TOM1L1: variants seen among roughly 807,000 people sequenced by gnomAD.
TOM1L1 encodes the protein target of myb1 like 1 membrane trafficking protein, also known as TOM1-like protein 1.
Under a neutral mutation model 63.4 loss-of-function variants are expected in TOM1L1, and 64 were observed. The observed-to-expected ratio is 1.01, with a 90% CI of 0.83 to 1.24. TOM1L1 has a LOEUF of 1.24. Among genes scored for constraint, TOM1L1 ranks in the 50% most tolerant of loss-of-function variants. The pLI is 0.00. For synonymous variants in TOM1L1, 166 were observed against 194.4 expected, an observed-to-expected ratio of 0.85 and a Z score of 1.22; for missense variants, 536 against 567.0, an observed-to-expected ratio of 0.95 and a Z score of 0.55.
chr17:54,947,386 A>C (rs1425193253), intron 12 of TOM1L1, 74 bp downstream of exon 12: 1 of 1,474,482 alleles, frequency 6.8e-7, no homozygotes, highest in East Asian at 2.3e-5. Context: ...ACTCATGGTC[A>C]TTAATTCCCA....
At chr17:54,906,785 T>C in intron 3 of TOM1L1, 1 of 985,538 alleles carries the variant, frequency 1.0e-6, no homozygotes, top group Non-Finnish European at 1.2e-6. Context: ...TCAGTCACGT[T>C]GGTGAGTTGT....
chr17:54,923,093 C>A (rs1285893475), intron 7 of TOM1L1, among the ~76,000 whole-genome samples: 2 of 152,130 alleles, frequency 1.3e-5, no homozygotes, highest in African/African-American at 4.8e-5. Flanking sequence ...ACTTTAATGG[C>A]CTAATATTTC....
chr17:54,941,125 C>T (rs749886672), intron 11 of TOM1L1, among the ~76,000 whole-genome samples: 18 of 152,132 alleles, frequency 1.2e-4, no homozygotes, highest in Non-Finnish European at 2.5e-4. Context: ...ATATGAATTT[C>T]TTTCTCCGTT....
intron 14 of TOM1L1, chr17:54,958,389 C>T (rs1009310617): frequency 6.6e-6 from 1 of 152,154 alleles, no homozygotes; most frequent in Non-Finnish European, 1.5e-5. Context: ...TAAGTAGAGA[C>T]AGTAAGTACA....
chr17:54,934,682 A>C (rs1162531400), intron 8 of TOM1L1, among the ~76,000 whole-genome samples: 1 of 151,972 alleles, frequency 6.6e-6, no homozygotes, highest in Non-Finnish European at 1.5e-5. Context: ...AACTGACTAG[A>C]ATATAAGAAG....
At chr17:54,939,151 A>G (rs2143907742) in intron 11 of TOM1L1, 131 bp downstream of exon 11, 2 of 532,634 alleles carry the variant, frequency 3.8e-6, no homozygotes, top group South Asian at 7.5e-5. Flanking sequence ...AGGCACATGG[A>G]TCACTTGAGC....
intron 14 of TOM1L1, chr17:54,954,929 CT>C (rs2049417830): frequency 1.3e-5 from 2 of 152,190 alleles, no homozygotes; most frequent in South Asian, 4.1e-4. Context: ...CAGACCATCT[CT>C]TCTGATCTAG....
Position 54,913,665 on chromosome 17 carries a change from CAAAA to C in TOM1L1, c.373-66_373-63del, listed in dbSNP as rs58570485. 1,837 of 1,073,502 alleles carry C rather than the reference CAAAA, an allele frequency of 1.7e-3. 1 individual carries two copies. Among genetic ancestry groups the C allele is most frequent in the East Asian group, 3.3e-3 (61 of 18,650 alleles). 66.5% of individuals were successfully genotyped at this position (1,073,502 alleles called of 1,614,324 possible). ...CGGGCAATAGTGTGAGACTCTGTCT[CAAAA>C]AAAAAAAAAAAAAAAAGAATTGTGT... On this transcript the variant is annotated intron_variant, in intron 4 of 15. Coordinates refer to ENST00000575882, the MANE Select transcript of TOM1L1 (RefSeq NM_005486.3).
At chr17:54,907,120 G>A (rs1345575441) in intron 3 of TOM1L1, among the ~76,000 whole-genome samples, 1 of 149,656 alleles carries the variant, frequency 6.7e-6, no homozygotes, top group Non-Finnish European at 1.5e-5. Flanking sequence ...ATTGGGATCT[G>A]AATATAGTTT....
chr17:54,914,962 A>G (rs2048563420), intron 6 of TOM1L1, among the ~76,000 whole-genome samples: 1 of 152,202 alleles, frequency 6.6e-6, no homozygotes, highest in Non-Finnish European at 1.5e-5. Flanking sequence ...CCAACTTTGT[A>G]AGAGTTGTGC....
chr17:54,926,641 GAA>G (rs11393749), intron 7 of TOM1L1, among the ~76,000 whole-genome samples: 3 of 143,360 alleles, frequency 2.1e-5, no homozygotes, highest in Admixed American at 7.1e-5. Flanking sequence ...GTAACCAGTT[GAA>G]AAAAAAAAAA....
intron 14 of TOM1L1, 96 bp from the exon 15 acceptor site, chr17:54,960,470 C>A: frequency 1.1e-6 from 1 of 874,484 alleles, no homozygotes; most frequent in Non-Finnish European, 1.9e-6. Context: ...AACTCCAAAA[C>A]CAGCTCAATT....
At chr17:54,937,079 C>G in intron 9 of TOM1L1, 30 bp from the exon 10 acceptor site, 1 of 1,343,770 alleles carries the variant, frequency 7.4e-7, no homozygotes, top group Non-Finnish European at 1.1e-6. Flanking sequence ...AACTACATGA[C>G]ACTTTTTTTT....
chr17:54,907,947 C>A (rs2031409182), intron 3 of TOM1L1, among the ~76,000 whole-genome samples: 1 of 152,136 alleles, frequency 6.6e-6, no homozygotes, highest in Admixed American at 6.6e-5. Context: ...CATCATGGTT[C>A]CCTCCCTGTG....
chr17:54,901,082 C>T (rs546545425), intron 1 of TOM1L1, 159 bp downstream of exon 1: 19 of 966,308 alleles, frequency 2.0e-5, no homozygotes, highest in Non-Finnish European at 2.8e-5. Context: ...TTCCACCCGG[C>T]CCCCTTTCGT....
intron 7 of TOM1L1, among the ~76,000 whole-genome samples, chr17:54,928,372 A>AC (rs1232259445): frequency 6.6e-6 from 1 of 151,924 alleles, no homozygotes; most frequent in Non-Finnish European, 1.5e-5. Context: ...AAAACCAAAA[A>AC]AAAACAAAAC....
At chr17:54,930,769 G>T (rs2143859249) in intron 8 of TOM1L1, among the ~76,000 whole-genome samples, 1 of 152,264 alleles carries the variant, frequency 6.6e-6, no homozygotes, top group South Asian at 2.1e-4. Context: ...TTGAACCTGG[G>T]AGGTGGAGGT....
chr17:54,953,883 G>T (rs2049358655), intron 14 of TOM1L1: 1 of 152,084 alleles, frequency 6.6e-6, no homozygotes, highest in Non-Finnish European at 1.5e-5. Context: ...TCAGCTTTTG[G>T]GTCATCTGGG....
chr17:54,943,999 CATAA>C (rs1302281547), intron 11 of TOM1L1, among the ~76,000 whole-genome samples: 3 of 137,070 alleles, frequency 2.2e-5, no homozygotes, highest in African/African-American at 2.8e-5. Flanking sequence ...TAAATAAATA[CATAA>C]ATAAATAAAA....
Sources: gnomAD v4.1 joint callset for allele counts (sites outside exome capture counted in the v4.1 genomes callset) on GRCh38, gnomAD v4.1.1 for gene constraint, MANE v1.5 for transcripts, NCBI Gene and HGNC (gene_info 2026-07-23, HGNC 2026-07-21) for gene names.